Variants in KAT2B observed in about 807,000 individuals in gnomAD.
The protein encoded by KAT2B is histone acetyltransferase KAT2B.
Under a neutral mutation model 105.9 loss-of-function variants are expected in KAT2B, and 36 were observed. The observed-to-expected ratio is 0.34, with a 90% CI of 0.26 to 0.45. The LOEUF is 0.45. Among genes scored for constraint, KAT2B ranks in the 20% least tolerant of loss-of-function variants. The pLI is 1.00. For synonymous variants in KAT2B, 397 were observed against 377.9 expected (o/e 1.05, Z -0.59); for missense variants, 820 against 1,021.6 (o/e 0.80, Z 2.69).
intron 5 of KAT2B, among the ~76,000 whole-genome samples, chr3:20,104,382 C>T (rs1056714012): frequency 9.2e-5 from 14 of 152,090 alleles, no homozygotes; most frequent in Admixed American, 2.0e-4. Flanking sequence ...CCCACCATCA[C>T]GTCATGTTGA....
intron 1 of KAT2B, among the ~76,000 whole-genome samples, chr3:20,060,862 T>C (rs906961105): frequency 2.6e-5 from 4 of 152,120 alleles, no homozygotes; most frequent in African/African-American, 2.4e-5. Flanking sequence ...GGAGGATTGC[T>C]TGAACCCAGG....
At chr3:20,053,897 A>G (rs1448632693) in intron 1 of KAT2B, among the ~76,000 whole-genome samples, 2 of 152,080 alleles carry the variant, frequency 1.3e-5, no homozygotes, top group Non-Finnish European at 2.9e-5. Context: ...CTCCAGGTTC[A>G]AGTGATTCTC....
At chr3:20,070,391 G>A (rs995470993) in intron 1 of KAT2B, among the ~76,000 whole-genome samples, 10 of 146,314 alleles carry the variant, frequency 6.8e-5, no homozygotes, top group Non-Finnish European at 1.3e-4. Flanking sequence ...TGCAAGCTTC[G>A]CCTCCCAGGT....
intron 5 of KAT2B, among the ~76,000 whole-genome samples, chr3:20,109,787 A>G (rs1017179301): frequency 4.6e-5 from 7 of 152,240 alleles, no homozygotes; most frequent in Non-Finnish European, 7.3e-5. Flanking sequence ...AAAAGACAAC[A>G]TTAACACTTA....
chr3:20,135,602 C>T (rs920899889), intron 11 of KAT2B, among the ~76,000 whole-genome samples: 31 of 151,442 alleles, frequency 2.0e-4, no homozygotes, highest in Non-Finnish European at 3.4e-4. Context: ...TGCAGTGACC[C>T]GAGATCGTGC....
At chr3:20,118,350 G>GTGTGTGTGTA (rs1158272850) in intron 7 of KAT2B, among the ~76,000 whole-genome samples, 1 of 148,288 alleles carries the variant, frequency 6.7e-6, no homozygotes, top group East Asian at 2.0e-4. Flanking sequence ...GTGTGTGTGT[G>GTGTGTGTGTA]TGTGTGTGTA....
At chr3:20,136,612 C>T (rs1478058409) in intron 11 of KAT2B, among the ~76,000 whole-genome samples, 1 of 151,812 alleles carries the variant, frequency 6.6e-6, no homozygotes, top group Non-Finnish European at 1.5e-5. Context: ...ATTCTGAAAA[C>T]TTTTATATTA....
chr3:20,094,947 A>C (rs6791385), intron 2 of KAT2B, among the ~76,000 whole-genome samples: 34,360 of 152,090 alleles, frequency 0.23, 4,235 homozygotes, highest in African/African-American at 0.31. Context: ...AAACCTAAGA[A>C]GTTGACCCTA....
chr3:20,119,593 G>C lies in KAT2B; in HGVS notation c.1151-5G>C. ...TAACACCTTCTTCTCCTTTTGCCGG[G>C]GCAGTTATCAATCCACCTCCTGTGG... On this transcript the variant is annotated splice_region_variant and splice_polypyrimidine_tract_variant and intron_variant, in intron 7 of 17. Coordinates refer to ENST00000263754, the MANE Select transcript of KAT2B (RefSeq NM_003884.5). The C allele has an allele frequency of 5.6e-6, 9 of 1,613,870 alleles. No individual in the cohort carries two copies. The highest frequency in any genetic ancestry group is 1.3e-5 in the African/African-American group (1 of 75,028).
chr3:20,062,252 A>AT (rs1559514407), intron 1 of KAT2B, among the ~76,000 whole-genome samples: 1 of 18,902 alleles, frequency 5.3e-5, no homozygotes, highest in African/African-American at 3.1e-4. Context: ...TATAATATAT[A>AT]AAATATGATA....
At chr3:20,084,825 C>T (rs1698585325) in intron 2 of KAT2B, among the ~76,000 whole-genome samples, 1 of 152,144 alleles carries the variant, frequency 6.6e-6, no homozygotes, top group South Asian at 2.1e-4. Flanking sequence ...CTATTTCATC[C>T]AGAGCAACTC....
chr3:20,120,224 T>C (rs923870646), intron 8 of KAT2B, among the ~76,000 whole-genome samples: 1 of 150,588 alleles, frequency 6.6e-6, no homozygotes, highest in African/African-American at 2.5e-5. Context: ...TTTTTTTTTT[T>C]CCTTTTCTTT....
chr3:20,135,673 C>T (rs896551737), intron 11 of KAT2B, among the ~76,000 whole-genome samples: 1 of 151,704 alleles, frequency 6.6e-6, no homozygotes. Context: ...AAAATAAAAA[C>T]CAAAGTGATT....
intron 12 of KAT2B, among the ~76,000 whole-genome samples, chr3:20,138,211 A>G (rs1699636184): frequency 6.6e-6 from 1 of 152,166 alleles, no homozygotes; most frequent in Non-Finnish European, 1.5e-5. Context: ...TTTTTATTTT[A>G]AAATTTTTTC....
intron 10 of KAT2B, among the ~76,000 whole-genome samples, chr3:20,126,397 A>T (rs959197680): frequency 4.6e-5 from 7 of 152,034 alleles, no homozygotes; most frequent in Non-Finnish European, 7.4e-5. Flanking sequence ...TAACACTAAG[A>T]TGTTCTGCTT....
rs56091316 is a variant in KAT2B at position 20,149,495 on chromosome 3, C to CAAAAAAAAAAAAAAAAAAAAAA, written c.2305+1012_2305+1033dup. ...TGGGCACTGGAGGGAGACCGTATCT[C>CAAAAAAAAAAAAAAAAAAAAAA]AAAAAAAAAAAAAAAAAAAAAAAAA... On this transcript the variant is annotated intron_variant, in intron 17 of 17. Transcript: ENST00000263754. Among the ~76,000 whole-genome samples the CAAAAAAAAAAAAAAAAAAAAAA allele has an allele frequency of 1.5e-3, 63 of 42,442 alleles. 1 individual carries two copies. Among genetic ancestry groups the CAAAAAAAAAAAAAAAAAAAAAA allele is most frequent in the South Asian group, 3.1e-3 (2 of 644 alleles). The allele number at this position is 42,442 out of a possible 152,430, so 27.8% of individuals were successfully genotyped here.
At chr3:20,140,397 A>G in intron 13 of KAT2B, 33 bp downstream of exon 13, 1 of 1,610,728 alleles carries the variant, frequency 6.2e-7, no homozygotes, top group Non-Finnish European at 8.5e-7. Context: ...TACCTTCTGT[A>G]CAGGCCAGTC....
intron 5 of KAT2B, among the ~76,000 whole-genome samples, chr3:20,103,317 C>T (rs1425520121): frequency 1.3e-5 from 2 of 152,060 alleles, no homozygotes; most frequent in Admixed American, 6.6e-5. Context: ...AATGCATTTG[C>T]GACTTTTAGC....
chr3:20,087,948 A>AT (rs1261203573), intron 2 of KAT2B, among the ~76,000 whole-genome samples: 1 of 126,904 alleles, frequency 7.9e-6, no homozygotes, highest in Non-Finnish European at 1.6e-5. Context: ...CTAATTAAAA[A>AT]AAAATTTTTT....
Sources: gnomAD v4.1 joint callset for allele counts (sites outside exome capture counted in the v4.1 genomes callset) on GRCh38, gnomAD v4.1.1 for gene constraint, MANE v1.5 for transcripts, NCBI Gene and HGNC (gene_info 2026-07-23, HGNC 2026-07-21) for gene names.